Variants in DNAH11 observed in about 807,000 individuals in gnomAD.
The protein encoded by DNAH11 is axonemal beta dynein heavy chain 11.
Under a neutral mutation model 526.0 loss-of-function variants are expected in DNAH11, and 442 were observed. That is an observed-to-expected ratio of 0.84 (90% CI 0.78 to 0.91). DNAH11 has a LOEUF of 0.91. Among genes scored for constraint, DNAH11 ranks in the 40% least tolerant of loss-of-function variants. The pLI is 0.00. For synonymous variants in DNAH11, 2,461 were observed against 1,935.9 expected (o/e 1.27, Z -7.12); for missense variants, 6,989 against 5,448.7 (o/e 1.28, Z -8.90).
intron 30 of DNAH11, among the ~76,000 whole-genome samples, chr7:21,665,548 T>C (rs1244774507): frequency 1.3e-5 from 2 of 152,124 alleles, no homozygotes; most frequent in Non-Finnish European, 2.9e-5. Flanking sequence ...GGTTCTTTTT[T>C]TTGTTCTCAT....
chr7:21,775,922 T>C (rs539689591), intron 56 of DNAH11, among the ~76,000 whole-genome samples: 2 of 152,302 alleles, frequency 1.3e-5, no homozygotes, highest in Admixed American at 6.5e-5. Flanking sequence ...CTTTCAATAC[T>C]GTGGGGGCAT....
At chr7:21,858,450 A>G (rs1342555544) in intron 68 of DNAH11, among the ~76,000 whole-genome samples, 3 of 152,248 alleles carry the variant, frequency 2.0e-5, no homozygotes, top group South Asian at 2.1e-4. Context: ...CATAAAAGCC[A>G]AAGTCTAAAA....
At chr7:21,649,447 G>A (rs1485000514) in intron 28 of DNAH11, among the ~76,000 whole-genome samples, 1 of 152,002 alleles carries the variant, frequency 6.6e-6, no homozygotes, top group Non-Finnish European at 1.5e-5. Context: ...TTTATACAAT[G>A]GAATACCACA....
At chr7:21,809,635 C>T (rs928593741) in intron 63 of DNAH11, among the ~76,000 whole-genome samples, 2 of 152,062 alleles carry the variant, frequency 1.3e-5, no homozygotes, top group African/African-American at 4.8e-5. Context: ...TCAGTCTCAG[C>T]CCACTACAAC....
intron 35 of DNAH11, among the ~76,000 whole-genome samples, chr7:21,692,635 C>G (rs554713880): frequency 3.3e-5 from 5 of 152,302 alleles, no homozygotes; most frequent in Non-Finnish European, 7.4e-5. Context: ...TATGAACATT[C>G]ACGTGCGATG....
chr7:21,879,707 T>C (rs551789800), intron 74 of DNAH11, among the ~76,000 whole-genome samples: 3 of 152,302 alleles, frequency 2.0e-5, no homozygotes, highest in Non-Finnish European at 4.4e-5. Context: ...AGATCATTCA[T>C]ACGCCCAAGC....
chr7:21,753,892 G>C (rs1786516898), intron 54 of DNAH11, among the ~76,000 whole-genome samples: 2 of 152,088 alleles, frequency 1.3e-5, no homozygotes, highest in African/African-American at 4.8e-5. Flanking sequence ...TTTTATATTA[G>C]AATTTAATCT....
chr7:21,550,981 A>G (rs1012190813), intron 2 of DNAH11, among the ~76,000 whole-genome samples: 1 of 152,144 alleles, frequency 6.6e-6, no homozygotes, highest in African/African-American at 2.4e-5. Context: ...TCTTTTGACA[A>G]GTTACACAAC....
At chr7:21,804,194 C>T (rs147625173) in intron 62 of DNAH11, among the ~76,000 whole-genome samples, 1,766 of 152,176 alleles carry the variant, frequency 0.012, 40 homozygotes, top group African/African-American at 0.04. Context: ...CTGCAAGCTC[C>T]GCCTCCCGGG....
intron 47 of DNAH11, 137 bp downstream of exon 47, chr7:21,739,003 A>G: frequency 1.1e-6 from 1 of 870,622 alleles, no homozygotes; most frequent in Non-Finnish European, 1.6e-6. Context: ...AATTATCCCC[A>G]GTTTCTTCTA....
rs74667361 is a variant in DNAH11, at chr7:21,744,549, T to C, written c.8266T>C (p.Cys2756Arg). ...YGDKLIDKKD[C>R]DLFQRRMLET... ...AGACAAACTGATAGACAAAAAAGAT[T>C]GTGATTTGTTTCAGAGAAGAATGCT... The change falls in exon 50 of 82, where the codon TGT becomes CGT. Residue 2756 changes from cysteine to arginine, a missense_variant. Transcript: ENST00000409508. 1,593 of 1,613,478 alleles carry C rather than the reference T, an allele frequency of 9.9e-4. 17 individuals are homozygous for C. The African/African-American group carries it at 0.02, about 20-fold the overall frequency.
intron 29 of DNAH11, among the ~76,000 whole-genome samples, chr7:21,657,804 G>A (rs917236161): frequency 6.6e-6 from 1 of 152,126 alleles, no homozygotes; most frequent in African/African-American, 2.4e-5. Context: ...AGATACTGAG[G>A]CCATTTCCAG....
At chr7:21,789,801 CTTTCTTT>C (rs1447118171) in intron 61 of DNAH11, among the ~76,000 whole-genome samples, 14 of 65,762 alleles carry the variant, frequency 2.1e-4, no homozygotes, top group Admixed American at 5.7e-4. Flanking sequence ...TTCTTTCTTT[CTTTCTTT>C]TTTCTTTCTT....
At chr7:21,854,220 A>T (rs771613635) in intron 67 of DNAH11, 95 bp from the exon 68 acceptor site, 13 of 1,372,096 alleles carry the variant, frequency 9.5e-6, no homozygotes, top group Admixed American at 2.5e-5. Context: ...TAATACTCAT[A>T]ATTTTTCATT....
At chr7:21,788,664 G>C (rs1788299359) in intron 60 of DNAH11, among the ~76,000 whole-genome samples, 1 of 152,152 alleles carries the variant, frequency 6.6e-6, no homozygotes, top group African/African-American at 2.4e-5. Context: ...ACTTAGACAA[G>C]AAAGTGACAA....
intron 66 of DNAH11, among the ~76,000 whole-genome samples, chr7:21,846,393 T>C (rs967093036): frequency 6.6e-6 from 1 of 152,164 alleles, no homozygotes; most frequent in African/African-American, 2.4e-5. Context: ...TTAAGAAAGT[T>C]CCCCTCTATT....
At chr7:21,708,351 C>T (rs924426408) in intron 40 of DNAH11, among the ~76,000 whole-genome samples, 5 of 152,172 alleles carry the variant, frequency 3.3e-5, no homozygotes, top group Non-Finnish European at 5.9e-5. Flanking sequence ...AACCTCACAG[C>T]GAATCCTATA....
rs1157539589 is a variant in DNAH11 at position 21,702,744 on chromosome 7, C to G, written c.6215C>G (p.Ser2072Cys). The change falls in exon 37 of 82, where the codon TCT becomes TGT. Residue 2072 changes from serine to cysteine, a missense_variant. By Grantham distance (112) the Ser-to-Cys change is moderately radical (BLOSUM62 -1). Coordinates refer to ENST00000409508, the MANE Select transcript of DNAH11 (RefSeq NM_001277115.2). ...GACTGGGGACTTCGTGCTATTAAGT[C>G]TGTCTTGGTTGTGGCTGGATCTCTG... ...HYDWGLRAIK[S>C]VLVVAGSLKR... 6.2e-7 allele frequency: 1 copy of G among 1,613,656 alleles called. No homozygotes were observed. Among genetic ancestry groups the G allele is most frequent in the Non-Finnish European group, 8.5e-7 (1 of 1,179,762 alleles).
intron 65 of DNAH11, among the ~76,000 whole-genome samples, chr7:21,820,869 C>A (rs1344807397): frequency 1.3e-5 from 2 of 152,152 alleles, no homozygotes; most frequent in African/African-American, 4.8e-5. Flanking sequence ...CTAGTAAGAA[C>A]TCTTGGGCAC....
Sources: allele counts gnomAD v4.1 joint callset (sites outside exome capture counted in the v4.1 genomes callset), GRCh38; gene constraint gnomAD v4.1.1; transcripts MANE v1.5; gene names NCBI Gene and HGNC (gene_info 2026-07-23, HGNC 2026-07-21).